The following FOCAD variants were observed in gnomAD, a reference collection of about 807,000 sequenced individuals.
FOCAD encodes KIAA1797.
In FOCAD, 198 loss-of-function variants were observed where a neutral mutation model predicts 225.6. The ratio of observed to expected loss-of-function variants is 0.88; its 90% CI spans 0.78 to 0.99. The LOEUF (loss-of-function observed/expected upper bound fraction) is 0.99, where lower values mean the gene tolerates loss of function less well. FOCAD is among the 50% of genes least tolerant of loss of function. FOCAD has a pLI of 0.00. For missense variants in FOCAD, 2,713 were observed against 2,123.6 expected, an observed-to-expected ratio of 1.28 and a Z score of -5.46; for synonymous variants, 897 against 755.0, an observed-to-expected ratio of 1.19 and a Z score of -3.08.
chr9:20,826,113 G>T (rs775399934), intron 15 of FOCAD, among the ~76,000 whole-genome samples: 16 of 152,100 alleles, frequency 1.1e-4, no homozygotes, highest in Non-Finnish European at 2.2e-4. Context: ...TTAATATTGA[G>T]TGTCAACTTG....
intron 4 of FOCAD, among the ~76,000 whole-genome samples, chr9:20,733,353 TC>T (rs1826869269): frequency 6.6e-6 from 1 of 152,208 alleles, no homozygotes; most frequent in Non-Finnish European, 1.5e-5. Flanking sequence ...GTTTAATTTT[TC>T]TTTTTTTTAT....
intron 10 of FOCAD, among the ~76,000 whole-genome samples, chr9:20,783,934 T>C (rs900165306): frequency 3.3e-5 from 5 of 152,166 alleles, no homozygotes; most frequent in African/African-American, 1.2e-4. Flanking sequence ...AAGAGGTGTT[T>C]AGTTATAAAA....
At chr9:20,712,554 C>T (rs978268678) in intron 1 of FOCAD, among the ~76,000 whole-genome samples, 20 of 151,406 alleles carry the variant, frequency 1.3e-4, no homozygotes, top group African/African-American at 3.6e-4. Context: ...CCCAGCTACT[C>T]GGGAGGCTGA....
chr9:20,700,193 A>G (rs536687330), intron 1 of FOCAD, among the ~76,000 whole-genome samples: 5 of 152,076 alleles, frequency 3.3e-5, no homozygotes, highest in Non-Finnish European at 5.9e-5. Context: ...TGGGAAATAC[A>G]CAGAGGTGAT....
At chr9:20,859,166 G>A (rs973160953) in intron 15 of FOCAD, among the ~76,000 whole-genome samples, 1 of 152,106 alleles carries the variant, frequency 6.6e-6, no homozygotes, top group Admixed American at 6.5e-5. Flanking sequence ...CCTGAGGTCA[G>A]GAGTTTGAGA....
chr9:20,728,051 A>C (rs893227687), intron 4 of FOCAD, among the ~76,000 whole-genome samples: 1 of 152,242 alleles, frequency 6.6e-6, no homozygotes, highest in Non-Finnish European at 1.5e-5. Context: ...ATTCATATAC[A>C]CAGTAGTAAT....
intron 21 of FOCAD, among the ~76,000 whole-genome samples, chr9:20,903,369 T>G (rs940105893): frequency 2.0e-5 from 3 of 151,994 alleles, no homozygotes; most frequent in Non-Finnish European, 4.4e-5. Flanking sequence ...CTGAGCTGCC[T>G]TTATCTCTTT....
At chr9:20,879,026 A>C (rs779822296) in intron 19 of FOCAD, among the ~76,000 whole-genome samples, 24 of 152,158 alleles carry the variant, frequency 1.6e-4, no homozygotes, top group Non-Finnish European at 3.2e-4. Context: ...CATTGAGGGC[A>C]GATCTCCCCT....
intron 11 of FOCAD, among the ~76,000 whole-genome samples, chr9:20,818,943 A>T (rs1824023345): frequency 6.6e-6 from 1 of 152,132 alleles, no homozygotes; most frequent in Non-Finnish European, 1.5e-5. Flanking sequence ...ATTTAATTTC[A>T]AGATCAATTT....
chr9:20,933,429 T>C (rs1411473311), intron 28 of FOCAD, among the ~76,000 whole-genome samples: 1 of 152,230 alleles, frequency 6.6e-6, no homozygotes, highest in Non-Finnish European at 1.5e-5. Flanking sequence ...CTCCCACTTA[T>C]GAGTGAGAAT....
At chr9:20,880,508 C>G (rs888476531) in intron 19 of FOCAD, among the ~76,000 whole-genome samples, 29 of 152,210 alleles carry the variant, frequency 1.9e-4, no homozygotes, top group African/African-American at 6.7e-4. Context: ...GACATGGGAG[C>G]CTGTTAATGC....
intron 11 of FOCAD, among the ~76,000 whole-genome samples, chr9:20,814,636 G>T (rs1458951705): frequency 6.6e-6 from 1 of 152,006 alleles, no homozygotes; most frequent in Non-Finnish European, 1.5e-5. Flanking sequence ...GAGATTACAG[G>T]CATGAGCTAC....
intron 6 of FOCAD, among the ~76,000 whole-genome samples, chr9:20,763,525 T>G (rs1268288005): frequency 1.3e-5 from 2 of 152,210 alleles, no homozygotes; most frequent in African/African-American, 2.4e-5. Flanking sequence ...TGATGTGATC[T>G]GATCAAGGTG....
chr9:20,799,819 T>A (rs1024410431), intron 11 of FOCAD, among the ~76,000 whole-genome samples: 20 of 152,192 alleles, frequency 1.3e-4, no homozygotes, highest in Non-Finnish European at 2.2e-4. Flanking sequence ...ACTCTGTGTC[T>A]TTTAATTGGA....
chr9:20,662,630 AT>A (rs931923787), intron 2 of FOCAD, among the ~76,000 whole-genome samples: 22 of 148,316 alleles, frequency 1.5e-4, no homozygotes, highest in Admixed American at 2.7e-4. Flanking sequence ...CTATTTTTAA[AT>A]TTTTTTTTTT....
At chr9:20,833,973 G>C (rs1052438148) in intron 15 of FOCAD, among the ~76,000 whole-genome samples, 1 of 152,054 alleles carries the variant, frequency 6.6e-6, no homozygotes, top group African/African-American at 2.4e-5. Flanking sequence ...TGATGATCCA[G>C]CAATTCCACT....
intron 24 of FOCAD, 46 bp from the exon 25 acceptor site, chr9:20,923,614 G>T: frequency 6.8e-7 from 1 of 1,463,252 alleles, no homozygotes; most frequent in Non-Finnish European, 9.5e-7. Context: ...CTCTTCTTCT[G>T]GTTAATACCA....
chr9:20,885,075 A>G, intron 20 of FOCAD, 34 bp from the exon 21 acceptor site: 4 of 1,240,282 alleles, frequency 3.2e-6, no homozygotes, highest in Non-Finnish European at 4.2e-6. Flanking sequence ...ATAAAAATAA[A>G]AATAAAATAA....
At chr9:20,832,168 G>A (rs891683199) in intron 15 of FOCAD, among the ~76,000 whole-genome samples, 3 of 151,922 alleles carry the variant, frequency 2.0e-5, no homozygotes, top group Non-Finnish European at 2.9e-5. Context: ...TCATGTCAAC[G>A]TATGAGTTTC....
Sources: allele counts gnomAD v4.1 joint callset (sites outside exome capture counted in the v4.1 genomes callset), GRCh38; gene constraint gnomAD v4.1.1; transcripts MANE v1.5; gene names NCBI Gene and HGNC (gene_info 2026-07-23, HGNC 2026-07-21).